The following ARHGEF3 variants were observed in gnomAD, a reference collection of about 807,000 sequenced individuals.
The protein encoded by ARHGEF3 is 59.8 kDA protein.
ARHGEF3 carries 28 observed loss-of-function variants against 63.2 expected under a neutral mutation model. That is an observed-to-expected ratio of 0.44 (90% CI 0.33 to 0.61). The LOEUF (loss-of-function observed/expected upper bound fraction) is 0.61. Among genes scored for constraint, ARHGEF3 ranks in the 20% least tolerant of loss-of-function variants. ARHGEF3 has a pLI of 0.03. For synonymous variants in ARHGEF3, 266 were observed against 254.2 expected, an observed-to-expected ratio of 1.05 and a Z score of -0.44; for missense variants, 533 against 659.3, an observed-to-expected ratio of 0.81 and a Z score of 2.10.
chr3:56,737,719 C>T (rs2107704489), intron 7 of ARHGEF3, among the ~76,000 whole-genome samples: 1 of 152,204 alleles, frequency 6.6e-6, no homozygotes, highest in South Asian at 2.1e-4. Context: ...AAAAAATTAG[C>T]TAAGGACAGA....
chr3:56,944,745 A>AT, intron 3 of ARHGEF3, among the ~76,000 whole-genome samples: 1 of 151,632 alleles, frequency 6.6e-6, no homozygotes, highest in Non-Finnish European at 1.5e-5. Context: ...TGTCCAGCTA[A>AT]TTTTTGTATT....
At chr3:56,850,256 C>T (rs967561471) in intron 4 of ARHGEF3, among the ~76,000 whole-genome samples, 1 of 152,214 alleles carries the variant, frequency 6.6e-6, no homozygotes, top group African/African-American at 2.4e-5. Flanking sequence ...GGTCTGGACA[C>T]GGTGGCTCAT....
intron 2 of ARHGEF3, among the ~76,000 whole-genome samples, chr3:57,013,459 TG>T (rs1206091987): frequency 1.3e-5 from 2 of 152,314 alleles, no homozygotes; most frequent in East Asian, 3.9e-4. Context: ...GCTAATCTGG[TG>T]GTGACTTGGA....
chr3:57,013,923 G>A (rs1005686686), intron 2 of ARHGEF3, among the ~76,000 whole-genome samples: 2 of 152,226 alleles, frequency 1.3e-5, no homozygotes, highest in Non-Finnish European at 2.9e-5. Context: ...GCCAGCAGCG[G>A]CAACTCTTTG....
At chr3:56,739,076 C>T (rs898823865) in intron 7 of ARHGEF3, among the ~76,000 whole-genome samples, 1 of 152,046 alleles carries the variant, frequency 6.6e-6, no homozygotes, top group African/African-American at 2.4e-5. Flanking sequence ...GCCTGGGTGA[C>T]AGAGCAAGAC....
At chr3:57,002,330 C>G (rs960102596) in intron 2 of ARHGEF3, among the ~76,000 whole-genome samples, 1 of 149,508 alleles carries the variant, frequency 6.7e-6, no homozygotes, top group African/African-American at 2.5e-5. Context: ...TGCATTCACA[C>G]AATTTCTGAG....
chr3:57,042,694 ATATATAT>A (rs1365288337), intron 1 of ARHGEF3, among the ~76,000 whole-genome samples: 16 of 41,848 alleles, frequency 3.8e-4, no homozygotes, highest in African/African-American at 1.2e-3. Context: ...ATATATATAT[ATATATAT>A]TTTTTTTTTT....
intron 3 of ARHGEF3, among the ~76,000 whole-genome samples, chr3:56,894,324 G>A (rs974065851): frequency 2.0e-5 from 3 of 152,146 alleles, no homozygotes; most frequent in African/African-American, 7.2e-5. Context: ...CTGACACATG[G>A]TAGATGCTTA....
intron 4 of ARHGEF3, among the ~76,000 whole-genome samples, chr3:56,850,305 G>C (rs1378621420): frequency 6.6e-6 from 1 of 152,222 alleles, no homozygotes; most frequent in Admixed American, 6.5e-5. Flanking sequence ...AAGGCAGGGG[G>C]ATCACTTGAG....
intron 1 of ARHGEF3, among the ~76,000 whole-genome samples, chr3:57,046,482 C>G (rs1176721775): frequency 6.6e-6 from 1 of 152,168 alleles, no homozygotes; most frequent in Non-Finnish European, 1.5e-5. Context: ...TGAGAAAGAC[C>G]CTGCAAAAGG....
chr3:56,905,505 T>C (rs1578808629), intron 3 of ARHGEF3, among the ~76,000 whole-genome samples: 2 of 152,236 alleles, frequency 1.3e-5, no homozygotes, highest in East Asian at 3.8e-4. Flanking sequence ...ATGTATGTAG[T>C]TTCCAATCTT....
intron 3 of ARHGEF3, among the ~76,000 whole-genome samples, chr3:56,886,814 C>T (rs2040940831): frequency 6.6e-6 from 1 of 152,070 alleles, no homozygotes; most frequent in African/African-American, 2.4e-5. Flanking sequence ...GATGAAGGCT[C>T]AAAAAGGGGC....
chr3:56,860,165 G>C (rs2040024727), intron 4 of ARHGEF3, among the ~76,000 whole-genome samples: 1 of 151,928 alleles, frequency 6.6e-6, no homozygotes, highest in Admixed American at 6.6e-5. Context: ...TAACTTCTTT[G>C]TTCATATTTA....
intron 1 of ARHGEF3, among the ~76,000 whole-genome samples, chr3:56,798,537 GT>G (rs368922829): frequency 0.22 from 30,715 of 138,308 alleles, 3,619 homozygotes; most frequent in African/African-American, 0.35. Flanking sequence ...TCTTTACTTC[GT>G]TTTTTTTTTT....
chr3:56,896,992 T>C (rs908856728), intron 3 of ARHGEF3, among the ~76,000 whole-genome samples: 15 of 152,204 alleles, frequency 9.9e-5, no homozygotes, highest in African/African-American at 3.6e-4. Context: ...TATGGAAGTG[T>C]CTTCTTCCTC....
intron 2 of ARHGEF3, chr3:56,977,400 A>G (rs1287793840): frequency 2.3e-6 from 1 of 440,408 alleles, no homozygotes; most frequent in Non-Finnish European, 4.6e-6. Context: ...CACTTGCATC[A>G]GCATTGCCAT....
At chr3:57,068,754 G>A (rs955322687) in intron 1 of ARHGEF3, among the ~76,000 whole-genome samples, 4 of 152,052 alleles carry the variant, frequency 2.6e-5, no homozygotes, top group African/African-American at 9.7e-5. Flanking sequence ...ACTGTGTAAC[G>A]TGCTTCCTTG....
At chr3:56,898,664 A>G (rs888348401) in intron 3 of ARHGEF3, 8 of 230,652 alleles carry the variant, frequency 3.5e-5, no homozygotes, top group Admixed American at 4.7e-5. Context: ...AAAATGAGAC[A>G]AAGAAAAGGA....
intron 9 of ARHGEF3, 149 bp downstream of exon 9, chr3:56,732,089 C>G (rs963640488): frequency 7.4e-6 from 7 of 950,874 alleles, no homozygotes; most frequent in Non-Finnish European, 1.1e-5. Flanking sequence ...AGGGACTAAA[C>G]AAAGTACATA....
Sources: gnomAD v4.1 joint callset for allele counts (sites outside exome capture counted in the v4.1 genomes callset) on GRCh38, gnomAD v4.1.1 for gene constraint, MANE v1.5 for transcripts, NCBI Gene and HGNC (gene_info 2026-07-23, HGNC 2026-07-21) for gene names.